SHROOM3: variants seen among roughly 807,000 people sequenced by gnomAD.
The protein encoded by SHROOM3 is shroom family member 3, also known as protein Shroom3.
SHROOM3 carries 47 observed loss-of-function variants against 138.6 expected under a neutral mutation model. That is an observed-to-expected ratio of 0.34 (90% CI 0.27 to 0.43). SHROOM3 has a LOEUF of 0.43. SHROOM3 is among the 20% of genes least tolerant of loss of function. The pLI is 1.00. For synonymous variants in SHROOM3, 1,062 were observed against 1,063.3 expected, an observed-to-expected ratio of 1.00 and a Z score of 0.02; for missense variants, 2,491 against 2,596.5, an observed-to-expected ratio of 0.96 and a Z score of 0.88.
At chr4:76,682,155 A>G (rs1010138897) in intron 2 of SHROOM3, among the ~76,000 whole-genome samples, 8 of 152,120 alleles carry the variant, frequency 5.3e-5, no homozygotes, top group Admixed American at 3.9e-4. Context: ...CCTTTGTTCT[A>G]TGAGTTCTGT....
chr4:76,608,756 G>T (rs867269291), intron 2 of SHROOM3, among the ~76,000 whole-genome samples: 10 of 150,218 alleles, frequency 6.7e-5, no homozygotes, highest in African/African-American at 2.3e-4. Context: ...CACAGTGTCA[G>T]GTTAGAAGGC....
At chr4:76,687,073 C>A (rs556993837) in intron 2 of SHROOM3, among the ~76,000 whole-genome samples, 1 of 152,252 alleles carries the variant, frequency 6.6e-6, no homozygotes, top group African/African-American at 2.4e-5. Flanking sequence ...AAAATGATAA[C>A]CTATTTAAAA....
rs542307605 is a variant in SHROOM3, at chr4:76,739,464, C to G, written c.1291C>G (p.Gln431Glu). 5 of 1,614,206 alleles carry G rather than the reference C, an allele frequency of 3.1e-6. No homozygotes were observed. The East Asian group carries it at 6.7e-5, about 22-fold the overall frequency. The change falls in exon 5 of 11, where the codon CAG (glutamine) becomes GAG (glutamate). Residue 431 changes from glutamine (Q) to glutamate (E), a missense_variant. Physicochemically the swap from Gln to Glu is conservative, Grantham distance 29. This residue lies in a region of SHROOM3 where 1,733 missense variants were observed against 1,661.6 expected (regional missense o/e 1.04). Coordinates refer to ENST00000296043, the MANE Select transcript of SHROOM3 (RefSeq NM_020859.4). Reference protein sequence around the residue: ...GSLKSPFIEEQLHTVLEKSPE... With the variant: ...GSLKSPFIEEELHTVLEKSPE... The stretch of plus-strand genomic sequence containing the variant: ...CCTGAAGTCTCCATTCATAGAGGAG[C>G]AGCTGCATACTGTGCTGGAGAAGAG...
In SHROOM3 at chr4:76,481,762, T is replaced by G. The variant is rs1560519560; in HGVS notation, c.168+45542T>G. 2.0e-5 allele frequency among the ~76,000 whole-genome samples: 3 copies of G among 152,298 alleles called. No individual in the cohort carries two copies. The South Asian group carries it at 6.2e-4, about 32-fold the overall frequency. On this transcript the variant is annotated intron_variant, in intron 1 of 10. Coordinates refer to ENST00000296043, the MANE Select transcript of SHROOM3 (RefSeq NM_020859.4). ...TGATGCAAAATCCTTAATAAAATAC[T>G]GACAAACCCCAAATCCAGTGGCACA...
chr4:76,631,296 C>A (rs1735313840), intron 2 of SHROOM3, among the ~76,000 whole-genome samples: 1 of 146,428 alleles, frequency 6.8e-6, no homozygotes, highest in Admixed American at 7.0e-5. Context: ...GAAACCTCTA[C>A]CTCTGGGTTC....
At chr4:76,546,085 A>C (rs1249109070) in intron 1 of SHROOM3, among the ~76,000 whole-genome samples, 2 of 152,172 alleles carry the variant, frequency 1.3e-5, no homozygotes, top group African/African-American at 4.8e-5. Context: ...ATTTTCCCTG[A>C]TGGTCATCTT....
intron 1 of SHROOM3, among the ~76,000 whole-genome samples, chr4:76,526,370 G>GA (rs914693923): frequency 1.3e-5 from 2 of 151,816 alleles, no homozygotes; most frequent in African/African-American, 4.8e-5. Flanking sequence ...CATCTCAAAA[G>GA]AAAAAAATAA....
At chr4:76,521,837 C>T (rs961115919) in intron 1 of SHROOM3, among the ~76,000 whole-genome samples, 1 of 152,142 alleles carries the variant, frequency 6.6e-6, no homozygotes, top group African/African-American at 2.4e-5. Context: ...ACATAATCCT[C>T]TACTTTCACC....
intron 2 of SHROOM3, among the ~76,000 whole-genome samples, chr4:76,557,353 A>G (rs1377455821): frequency 6.6e-6 from 1 of 152,142 alleles, no homozygotes; most frequent in Non-Finnish European, 1.5e-5. Context: ...TAAGTGAAAG[A>G]AGCCAGTCAC....
intron 1 of SHROOM3, among the ~76,000 whole-genome samples, chr4:76,528,166 C>A (rs1483935596): frequency 1.3e-5 from 2 of 152,112 alleles, no homozygotes; most frequent in Non-Finnish European, 2.9e-5. Flanking sequence ...TCACATTTGT[C>A]AAGTGAGCCA....
At chr4:76,725,343 G>A (rs1009324596) in intron 3 of SHROOM3, among the ~76,000 whole-genome samples, 1 of 152,152 alleles carries the variant, frequency 6.6e-6, no homozygotes, top group African/African-American at 2.4e-5. Flanking sequence ...TATCTGTACT[G>A]TAGGAATTAT....
chr4:76,587,024 T>G (rs1734169691), intron 2 of SHROOM3: 1 of 152,240 alleles, frequency 6.6e-6, no homozygotes, highest in South Asian at 2.1e-4. Context: ...TGGCTCACTC[T>G]TCTCATCCTT....
At chr4:76,725,773 C>T (rs889739875) in intron 3 of SHROOM3, among the ~76,000 whole-genome samples, 3 of 152,176 alleles carry the variant, frequency 2.0e-5, no homozygotes, top group African/African-American at 7.2e-5. Flanking sequence ...TGGCTTTCCT[C>T]CTCCATAAGC....
chr4:76,740,877 C>G lies in SHROOM3; in HGVS notation c.2704C>G (p.Pro902Ala), dbSNP rs1033821912. Residue 902 changes from proline to alanine, a missense_variant, in exon 5 of 11, where the codon CCC becomes GCC. Coordinates refer to ENST00000296043, the MANE Select transcript of SHROOM3 (RefSeq NM_020859.4). The surrounding 1 kb of genome is among the most constrained non-coding windows in gnomAD (Gnocchi z 4.0). Reference protein sequence around the residue: ...FQLSSEPEREPEWRDRPGSPE... With the variant: ...FQLSSEPEREAEWRDRPGSPE... ...GCTCTCCAGCGAGCCAGAGAGGGAG[C>G]CCGAGTGGCGGGACAGGCCCGGCTC... The G allele has an allele frequency of 5.2e-6, 8 of 1,547,864 alleles. No individual in the cohort carries two copies. The highest frequency in any genetic ancestry group is 7.0e-6 in the Non-Finnish European group (8 of 1,150,814).
At chr4:76,688,422 G>A in intron 2 of SHROOM3, 1 of 985,332 alleles carries the variant, frequency 1.0e-6, no homozygotes, top group Non-Finnish European at 1.2e-6. Flanking sequence ...TTCCTACCTA[G>A]TGAGGTCTTC....
At chr4:76,535,500 A>G (rs1042553184) in intron 1 of SHROOM3, among the ~76,000 whole-genome samples, 4 of 152,254 alleles carry the variant, frequency 2.6e-5, no homozygotes, top group African/African-American at 9.6e-5. Context: ...ACTGGAAGTT[A>G]TGGTGATCTT....
chr4:76,572,231 A>G (rs907541583), intron 2 of SHROOM3, among the ~76,000 whole-genome samples: 12 of 152,228 alleles, frequency 7.9e-5, no homozygotes, highest in Non-Finnish European at 2.9e-5. Flanking sequence ...AACGGGAATA[A>G]TAAAGTTACT....
rs187606412 is a variant in SHROOM3, at chr4:76,578,913, C to G, written c.323+23150C>G. Among the ~76,000 whole-genome samples, 84 of 152,308 alleles carry G rather than the reference C, an allele frequency of 5.5e-4. 1 individual carries two copies. The East Asian group carries it at 0.013, about 23-fold the overall frequency. On this transcript the variant is annotated intron_variant, in intron 2 of 10. Coordinates refer to ENST00000296043, the MANE Select transcript of SHROOM3 (RefSeq NM_020859.4). ...TTTTGTGCGAATTTAAAAATGACAT[C>G]TGGCTGGGCATGGCGGCTCATGCCT...
At position 76,667,966 on chromosome 4, in the gene SHROOM3, C is replaced by CAAAAAAAAAAAAAAAAA. The variant is rs747974205; in HGVS notation, c.324-42180_324-42164dup. Among the ~76,000 whole-genome samples, 22 of 62,550 alleles carry CAAAAAAAAAAAAAAAAA rather than the reference C, an allele frequency of 3.5e-4. 2 individuals are homozygous for CAAAAAAAAAAAAAAAAA. The highest frequency in any genetic ancestry group is 5.2e-4 in the African/African-American group (8 of 15,468). 41.0% of individuals were successfully genotyped at this position (62,550 alleles called of 152,430 possible). ...TGGGCGACAGAAGGAGACTCCCTCT[C>CAAAAAAAAAAAAAAAAA]AAAAAAAAAAAAAAAAAAAAAAAAA... On this transcript the variant is annotated intron_variant, in intron 2 of 10. Transcript: ENST00000296043.
Sources: allele counts gnomAD v4.1 joint callset (sites outside exome capture counted in the v4.1 genomes callset), GRCh38; gene constraint gnomAD v4.1.1; regional missense constraint gnomAD v4.1.1; non-coding constraint Gnocchi (gnomAD v3.1); transcripts MANE v1.5; gene names NCBI Gene and HGNC (gene_info 2026-07-23, HGNC 2026-07-21).